The following TMEM132D variants were observed in gnomAD, a reference collection of about 807,000 sequenced individuals.
TMEM132D encodes the protein transmembrane protein 132D.
In TMEM132D, 21 loss-of-function variants were observed where a neutral mutation model predicts 62.3. The ratio of observed to expected loss-of-function variants is 0.34; its 90% CI spans 0.24 to 0.49. The LOEUF (loss-of-function observed/expected upper bound fraction) is 0.49, where lower values mean the gene tolerates loss of function less well. Ranked by LOEUF, TMEM132D falls within the 20% of genes least tolerant of loss-of-function variation. The pLI, the probability that TMEM132D is intolerant of heterozygous loss-of-function variation, is 0.99. For missense variants in TMEM132D, 1,346 were observed against 1,402.8 expected, an observed-to-expected ratio of 0.96 and a Z score of 0.65; for synonymous variants, 621 against 575.6, an observed-to-expected ratio of 1.08 and a Z score of -1.13.
rs78630395 is a variant in TMEM132D, at chr12:129,591,431, C to T, written c.969-60226G>A. 4.6e-4 allele frequency among the ~76,000 whole-genome samples: 70 copies of T among 152,266 alleles called. 2 individuals are homozygous for T. The highest frequency in any genetic ancestry group is 1.6e-3 in the African/African-American group (68 of 41,554). Reference sequence around the variant, plus strand: ...AAGAAGAATGAAAATCCATGCTGCACTTTGCAACGGCTTCATACATTCCAT... The same window carrying T: ...AAGAAGAATGAAAATCCATGCTGCATTTTGCAACGGCTTCATACATTCCAT... On this transcript the variant is annotated intron_variant, in intron 2 of 8. Coordinates refer to ENST00000422113, the MANE Select transcript of TMEM132D (RefSeq NM_133448.3).
intron 2 of TMEM132D, among the ~76,000 whole-genome samples, chr12:129,590,872 C>G (rs1164836895): frequency 6.6e-6 from 1 of 152,180 alleles, no homozygotes; most frequent in Non-Finnish European, 1.5e-5. Flanking sequence ...TTGAAAATTG[C>G]AAGCATCATC....
In TMEM132D at chr12:129,199,722, T is replaced by C. The variant is rs189539271; in HGVS notation, c.1443+9798A>G. Among the ~76,000 whole-genome samples, 122 of 152,248 alleles carry C rather than the reference T, an allele frequency of 8.0e-4. 2 individuals are homozygous for C. Among genetic ancestry groups the C allele is most frequent in the South Asian group, 3.7e-3 (18 of 4,818 alleles). ...AGGAGGAGCAAAGGCATGTCTTACA[T>C]GGTGGCAAGCAAGAGAGCTTGTGCA... On this transcript the variant is annotated intron_variant, in intron 5 of 8. Transcript: ENST00000422113.
chr12:129,477,877 G>C (rs542886662), intron 3 of TMEM132D, among the ~76,000 whole-genome samples: 44 of 152,152 alleles, frequency 2.9e-4, no homozygotes, highest in African/African-American at 1.0e-3. Context: ...GAGAGAGAGA[G>C]AGAGACAGAG....
At chr12:129,325,242 G>A (rs1169025164) in intron 4 of TMEM132D, among the ~76,000 whole-genome samples, 2 of 152,176 alleles carry the variant, frequency 1.3e-5, no homozygotes, top group African/African-American at 2.4e-5. Flanking sequence ...TTCCCTTGGG[G>A]ATCAGACGCT....
rs140107232 is a variant in TMEM132D, at chr12:129,608,418, G to T, written c.969-77213C>A. ...CTAACTATGTAGATGATGAATGAAG[G>T]TTCGGTTGTCACTAAAAAGGGTACC... On this transcript the variant is annotated intron_variant, in intron 2 of 8. Transcript: ENST00000422113. Among the ~76,000 whole-genome samples, 345 of 152,094 alleles carry T rather than the reference G, an allele frequency of 2.3e-3. 1 individual carries two copies. The highest frequency in any genetic ancestry group is 7.9e-3 in the African/African-American group (329 of 41,510).
intron 3 of TMEM132D, among the ~76,000 whole-genome samples, chr12:129,419,549 C>T (rs1281173461): frequency 6.6e-6 from 1 of 152,114 alleles, no homozygotes; most frequent in East Asian, 1.9e-4. Flanking sequence ...TTCCTGATAA[C>T]ATCCTTTAAA....
chr12:129,230,101 G>T (rs963298633), intron 4 of TMEM132D, among the ~76,000 whole-genome samples: 1 of 152,200 alleles, frequency 6.6e-6, no homozygotes, highest in African/African-American at 2.4e-5. Flanking sequence ...GTTTTAAATT[G>T]GTCACAGTCA....
chr12:129,259,553 T>A (rs1026812595), intron 4 of TMEM132D, among the ~76,000 whole-genome samples: 13 of 152,172 alleles, frequency 8.5e-5, no homozygotes, highest in African/African-American at 3.1e-4. Context: ...TTAATCTTAG[T>A]GGCAGGTTTA....
chr12:129,739,620 G>C (rs1188358812), intron 1 of TMEM132D, among the ~76,000 whole-genome samples: 5 of 152,172 alleles, frequency 3.3e-5, no homozygotes, highest in Non-Finnish European at 1.5e-5. Context: ...GCTTTAGAAA[G>C]CTGCACTTGG....
At chr12:129,851,081 T>G (rs1873524918) in intron 1 of TMEM132D, among the ~76,000 whole-genome samples, 1 of 152,206 alleles carries the variant, frequency 6.6e-6, no homozygotes, top group African/African-American at 2.4e-5. Flanking sequence ...ATGCAAATAT[T>G]AGCTCGGAAA....
At chr12:129,753,023 G>A (rs558389595) in intron 1 of TMEM132D, among the ~76,000 whole-genome samples, 2 of 152,188 alleles carry the variant, frequency 1.3e-5, no homozygotes, top group Non-Finnish European at 2.9e-5. Context: ...CTGTGCATAC[G>A]GATTTTAGTA....
At chr12:129,276,143 C>T (rs1262062151) in intron 4 of TMEM132D, among the ~76,000 whole-genome samples, 4 of 152,184 alleles carry the variant, frequency 2.6e-5, no homozygotes, top group Non-Finnish European at 5.9e-5. Context: ...CTCCACCCTC[C>T]CTAACCCCTA....
At chr12:129,241,956 G>A (rs1481494928) in intron 4 of TMEM132D, among the ~76,000 whole-genome samples, 1 of 152,144 alleles carries the variant, frequency 6.6e-6, no homozygotes, top group Non-Finnish European at 1.5e-5. Context: ...AAATGCATTG[G>A]ACCCTGTAAT....
chr12:129,431,258 A>G (rs1464771937), intron 3 of TMEM132D, among the ~76,000 whole-genome samples: 1 of 152,198 alleles, frequency 6.6e-6, no homozygotes, highest in African/African-American at 2.4e-5. Flanking sequence ...CCAGCAGCTA[A>G]GCCTGGAGTC....
intron 3 of TMEM132D, among the ~76,000 whole-genome samples, chr12:129,497,508 G>T (rs10744421): frequency 0.75 from 113,757 of 151,840 alleles, 42,611 homozygotes; most frequent in South Asian, 0.81. Flanking sequence ...TCCAGGCACA[G>T]CCATATGGCT....
chr12:129,820,077 G>A (rs1381182450), intron 1 of TMEM132D, among the ~76,000 whole-genome samples: 2 of 152,058 alleles, frequency 1.3e-5, no homozygotes, highest in Non-Finnish European at 2.9e-5. Context: ...ACTCTTTTTT[G>A]TCTGAAGCTA....
chr12:129,566,723 A>G (rs1877377936), intron 2 of TMEM132D, among the ~76,000 whole-genome samples: 1 of 152,186 alleles, frequency 6.6e-6, no homozygotes, highest in South Asian at 2.1e-4. Flanking sequence ...TTGAGGAGAG[A>G]ATTAACTAAG....
intron 1 of TMEM132D, among the ~76,000 whole-genome samples, chr12:129,844,776 G>T (rs1458941349): frequency 6.6e-6 from 1 of 152,140 alleles, no homozygotes; most frequent in Non-Finnish European, 1.5e-5. Flanking sequence ...TCAAGGGGCT[G>T]AATCACAGTC....
intron 5 of TMEM132D, among the ~76,000 whole-genome samples, chr12:129,132,495 G>C (rs955067678): frequency 6.6e-6 from 1 of 152,154 alleles, no homozygotes; most frequent in African/African-American, 2.4e-5. Flanking sequence ...CAAATTTCAA[G>C]TATATAACAC....
Sources: gnomAD v4.1 joint callset for allele counts (sites outside exome capture counted in the v4.1 genomes callset) on GRCh38, gnomAD v4.1.1 for gene constraint, MANE v1.5 for transcripts, NCBI Gene and HGNC (gene_info 2026-07-23, HGNC 2026-07-21) for gene names.